The following PLLP variants were observed in gnomAD, a reference collection of about 807,000 sequenced individuals.
PLLP encodes plasmolipin.
PLLP carries 15 observed loss-of-function variants against 19.7 expected under a neutral mutation model. The observed-to-expected ratio is 0.76, with a 90% confidence interval of 0.51 to 1.17. The LOEUF (loss-of-function observed/expected upper bound fraction) is 1.17. PLLP is among the 50% of genes most tolerant of loss of function. The probability of loss-of-function intolerance (pLI) is 0.00; values close to 1 mark genes in which losing one functional copy is unlikely to be tolerated. For synonymous variants in PLLP, 111 were observed against 116.3 expected (o/e 0.95, Z 0.29); for missense variants, 255 against 258.3 (o/e 0.99, Z 0.09).
chr16:57,278,891 G>C (rs1901185013), intron 1 of PLLP, among the ~76,000 whole-genome samples: 1 of 152,152 alleles, frequency 6.6e-6, no homozygotes, highest in African/African-American at 2.4e-5. Context: ...ATCTGCAGAG[G>C]AGCTGGTCTG....
At chr16:57,268,542 G>C (rs1457125982) in intron 1 of PLLP, among the ~76,000 whole-genome samples, 3 of 152,180 alleles carry the variant, frequency 2.0e-5, no homozygotes, top group African/African-American at 7.2e-5. Flanking sequence ...CCAGGCTGGA[G>C]TGCAATGGCA....
chr16:57,258,213 A>G lies in PLLP; in HGVS notation c.432+249T>C, dbSNP rs1196091956. On this transcript the variant is annotated intron_variant, in intron 3 of 3. Coordinates refer to ENST00000219207, the MANE Select transcript of PLLP (RefSeq NM_015993.3). ...GTCACCGCACTCCAGCCTGGGCAACAGAGCAAGATTCCATCTCAAAAAAAA... is the reference window on the plus strand; with the variant it reads ...GTCACCGCACTCCAGCCTGGGCAACGGAGCAAGATTCCATCTCAAAAAAAA... 2.0e-5 allele frequency among the ~76,000 whole-genome samples: 3 copies of G among 152,286 alleles called. No individual in the cohort carries two copies. The East Asian group carries it at 5.8e-4, about 29-fold the overall frequency.
rs890114010 is a variant in PLLP at position 57,263,595 on chromosome 16, G to A, written c.136-1525C>T. On this transcript the variant is annotated intron_variant, in intron 1 of 3. Transcript: ENST00000219207. ...GAGAATTCTCTGCGGCAGGTTTGTC[G>A]ACTCACTATGCAGACTGTCTCAGGG... Among the ~76,000 whole-genome samples, 10 of 152,198 alleles carry A rather than the reference G, an allele frequency of 6.6e-5. No homozygotes were observed. In the East Asian group the frequency reaches 1.7e-3, roughly 27 times the overall value.
chr16:57,266,586 G>A (rs1289934128), intron 1 of PLLP, among the ~76,000 whole-genome samples: 2 of 152,192 alleles, frequency 1.3e-5, no homozygotes, highest in South Asian at 2.1e-4. Flanking sequence ...ACCCAGGGAG[G>A]TGAGGGAGGG....
intron 1 of PLLP, among the ~76,000 whole-genome samples, chr16:57,271,651 TAAAAAAAGAAA>T (rs1303512857): frequency 6.8e-6 from 1 of 147,958 alleles, no homozygotes; most frequent in Non-Finnish European, 1.5e-5. Flanking sequence ...GTCTCAAAAA[TAAAAAAAGAAA>T]AAAAAAAGAA....
intron 1 of PLLP, among the ~76,000 whole-genome samples, chr16:57,278,590 C>T (rs368572044): frequency 1.3e-5 from 2 of 152,142 alleles, no homozygotes; most frequent in South Asian, 2.1e-4. Context: ...AATACTCCCC[C>T]CCTTGCAGTA....
At chr16:57,269,421 G>A (rs1477297308) in intron 1 of PLLP, among the ~76,000 whole-genome samples, 2 of 152,162 alleles carry the variant, frequency 1.3e-5, no homozygotes, top group African/African-American at 4.8e-5. Context: ...GGGGTACAGG[G>A]ACCCTAGGGG....
At position 57,256,949 on chromosome 16, in the gene PLLP, A is replaced by G. The variant is rs1319952763; in HGVS notation, c.513T>C (p.Asn171=). 1 of 1,613,884 alleles carries G rather than the reference A, an allele frequency of 6.2e-7. No homozygotes were observed. Among genetic ancestry groups the G allele is most frequent in the Non-Finnish European group, 8.5e-7 (1 of 1,179,898 alleles). Residue 171 remains asparagine, a synonymous_variant, in exon 4 of 4, where the codon AAT becomes AAC. Coordinates refer to ENST00000219207, the MANE Select transcript of PLLP (RefSeq NM_015993.3). ...SYQAWRGVGS[N]AATSQMAGGY... ...CGCCAGCCATCTGACTGGTGGCCGC[A>G]TTGCTGCCTACTCCTCGCCAGGCCT...
At position 57,281,611 on chromosome 16, in the gene PLLP, C is replaced by T. The variant is rs530719134; in HGVS notation, c.135+2795G>A. The stretch of plus-strand genomic sequence containing the variant: ...CTGCAAGCTCCACCTCCCGGGTTCA[C>T]GCCATTCTCCCGCCTCAGCCTCCCG... On this transcript the variant is annotated intron_variant, in intron 1 of 3. Transcript: ENST00000219207. 2.2e-4 allele frequency among the ~76,000 whole-genome samples: 34 copies of T among 151,464 alleles called. No homozygotes were observed. The South Asian group carries it at 3.1e-3, about 14-fold the overall frequency.
chr16:57,283,777 C>G (rs1255830824), intron 1 of PLLP, among the ~76,000 whole-genome samples: 1 of 152,236 alleles, frequency 6.6e-6, no homozygotes, highest in Non-Finnish European at 1.5e-5. Context: ...CGGCTGAAAC[C>G]TGGCGGGTCA....
At chr16:57,284,237 C>T (rs1274078477) in intron 1 of PLLP, among the ~76,000 whole-genome samples, 169 bp downstream of exon 1, 1 of 152,124 alleles carries the variant, frequency 6.6e-6, no homozygotes, top group African/African-American at 2.4e-5. Context: ...ATCTTGGGGG[C>T]GTCCGTGCGG....
At chr16:57,275,353 G>A (rs1342488060) in intron 1 of PLLP, among the ~76,000 whole-genome samples, 1 of 151,928 alleles carries the variant, frequency 6.6e-6, no homozygotes, top group Non-Finnish European at 1.5e-5. Flanking sequence ...ATCTAAACTA[G>A]TCCCCATTGA....
intron 1 of PLLP, among the ~76,000 whole-genome samples, chr16:57,278,259 GA>G (rs1182336890): frequency 1.3e-5 from 2 of 152,182 alleles, no homozygotes; most frequent in Non-Finnish European, 2.9e-5. Flanking sequence ...AGAATGGCGT[GA>G]ACCCGGGAGG....
Position 57,284,550 on chromosome 16 carries a change from G to A in PLLP, c.-10C>T, listed in dbSNP as rs920323328. On this transcript the variant is annotated 5_prime_UTR_variant, in exon 1 of 4. Coordinates refer to ENST00000219207, the MANE Select transcript of PLLP (RefSeq NM_015993.3). Reference sequence around the variant, plus strand: ...ACGGGAACTCGGCCATGGCGGCTCCGCTTGCCTCCCGAGGTCGCTACGGCC... The same window carrying A: ...ACGGGAACTCGGCCATGGCGGCTCCACTTGCCTCCCGAGGTCGCTACGGCC... 3.0e-6 allele frequency: 4 copies of A among 1,344,970 alleles called. No homozygotes were observed. Among genetic ancestry groups the A allele is most frequent in the Admixed American group, 3.0e-5 (1 of 33,188 alleles). 83.3% of individuals were successfully genotyped at this position (1,344,970 alleles called of 1,614,324 possible).
chr16:57,261,624 G>C (rs1291566428), intron 2 of PLLP, among the ~76,000 whole-genome samples: 4 of 152,176 alleles, frequency 2.6e-5, no homozygotes. Context: ...GGGAGGCTGA[G>C]ATGGGAGGAT....
chr16:57,280,341 T>C (rs1901203467), intron 1 of PLLP, among the ~76,000 whole-genome samples: 1 of 152,156 alleles, frequency 6.6e-6, no homozygotes, highest in African/African-American at 2.4e-5. Context: ...CCCCACGGCT[T>C]GGGGAGGCTT....
Position 57,284,617 on chromosome 16 carries a change from C to T in PLLP, c.-77G>A, listed in dbSNP as rs1206951354. The stretch of plus-strand genomic sequence containing the variant: ...CAGCGGTGGGTGCCGGCTCCCGCGC[C>T]GCTTTTCCCCCAGGCTCCGGATCCC... On this transcript the variant is annotated 5_prime_UTR_variant, in exon 1 of 4. Transcript: ENST00000219207. The T allele has an allele frequency of 4.0e-6, 5 of 1,251,590 alleles. No individual in the cohort carries two copies. Among genetic ancestry groups the T allele is most frequent in the Non-Finnish European group, 4.1e-6 (4 of 985,812 alleles). 77.5% of individuals were successfully genotyped at this position (1,251,590 alleles called of 1,614,324 possible). A position where few individuals can be genotyped will look rare whatever the true frequency, so the allele number is the denominator to read the frequency against.
intron 1 of PLLP, among the ~76,000 whole-genome samples, chr16:57,263,534 A>T (rs948547623): frequency 3.9e-5 from 6 of 152,212 alleles, no homozygotes; most frequent in Non-Finnish European, 8.8e-5. Context: ...CACAAGCCCG[A>T]ACTGGACTGC....
intron 1 of PLLP, among the ~76,000 whole-genome samples, chr16:57,264,264 T>C (rs1345036689): frequency 2.0e-5 from 3 of 151,988 alleles, no homozygotes; most frequent in Admixed American, 2.0e-4. Context: ...CTACTCCCCA[T>C]CCCCCAGGGA....
Sources: gnomAD v4.1 joint callset for allele counts (sites outside exome capture counted in the v4.1 genomes callset) on GRCh38, gnomAD v4.1.1 for gene constraint, MANE v1.5 for transcripts, NCBI Gene and HGNC (gene_info 2026-07-23, HGNC 2026-07-21) for gene names.